Variants in BRCA2 observed in about 807,000 individuals in gnomAD.
BRCA2 encodes breast cancer type 2 susceptibility protein.
Under a neutral mutation model 276.7 loss-of-function variants are expected in BRCA2, and 203 were observed. The observed-to-expected ratio is 0.73, with a 90% CI of 0.65 to 0.82. BRCA2 has a LOEUF of 0.82. Ranked by LOEUF, BRCA2 falls within the 40% of genes least tolerant of loss-of-function variation. The pLI, the probability that BRCA2 is intolerant of heterozygous loss-of-function variation, is 0.00. For synonymous variants in BRCA2, 1,289 were observed against 1,338.4 expected, an observed-to-expected ratio of 0.96 and a Z score of 0.81; for missense variants, 3,920 against 3,915.0, an observed-to-expected ratio of 1.00 and a Z score of -0.03.
Position 32,338,709 on chromosome 13 carries a change from C to G in BRCA2, c.4354C>G (p.Gln1452Glu), listed in dbSNP as rs431825319. Reference sequence around the variant, plus strand: ...TAATAAAATTGTAAATTTCTTTGATCAGAAACCAGAAGAATTGCATAACTT... The same window carrying G: ...TAATAAAATTGTAAATTTCTTTGATGAGAAACCAGAAGAATTGCATAACTT... ...SFNKIVNFFDQKPEELHNFSL... is the reference protein window; with the variant it reads ...SFNKIVNFFDEKPEELHNFSL... The change falls in exon 11 of 27, where the codon CAG becomes GAG. Residue 1452 changes from glutamine (Q) to glutamate (E), a missense_variant. Gln to Glu is a conservative substitution (Grantham distance 29). This residue lies in a region of BRCA2 where 3,263 missense variants were observed against 3,156.9 expected (regional missense o/e 1.03). Coordinates refer to ENST00000380152, the MANE Select transcript of BRCA2 (RefSeq NM_000059.4). The G allele has an allele frequency of 6.3e-7, 1 of 1,594,430 alleles. No homozygotes were observed. The highest frequency in any genetic ancestry group is 8.6e-7 in the Non-Finnish European group (1 of 1,168,204).
rs1566215955 is a variant in BRCA2, at chr13:32,319,243, A to G, written c.234A>G (p.Pro78=). The change falls in exon 3 of 27, where the codon CCA becomes CCG. Residue 78 remains proline (P), a synonymous_variant. Coordinates refer to ENST00000380152, the MANE Select transcript of BRCA2 (RefSeq NM_000059.4). ...KPSYNQLAST[P]IIFKEQGLTL... ...CTTATAATCAGCTGGCTTCAACTCC[A>G]ATAATATTCAAAGAGCAAGGGCTGA... 6.2e-7 allele frequency: 1 copy of G among 1,613,792 alleles called. No individual in the cohort carries two copies. Among genetic ancestry groups the G allele is most frequent in the Non-Finnish European group, 8.5e-7 (1 of 1,179,660 alleles).
rs1593201106 is a variant in BRCA2, at chr13:32,397,143, A to G, written c.9648+99A>G. On this transcript the variant is annotated intron_variant, in intron 26 of 26. Transcript: ENST00000380152. ...AGTAAACATGGTAAAATGTAATTAA[A>G]CTTAATTAGAAAATGTGGTTGTTAT... The G allele has an allele frequency of 6.8e-6, 9 of 1,331,854 alleles. No homozygotes were observed. Among genetic ancestry groups the G allele is most frequent in the African/African-American group, 2.9e-5 (2 of 68,614 alleles). 82.5% of individuals were successfully genotyped at this position (1,331,854 alleles called of 1,614,324 possible). A position where few individuals can be genotyped will look rare whatever the true frequency, so the allele number is the denominator to read the frequency against.
rs958933772 is a variant in BRCA2 at position 32,380,671 on chromosome 13, G to C, written c.9256+526G>C. On this transcript the variant is annotated intron_variant, in intron 24 of 26. Transcript: ENST00000380152. The stretch of plus-strand genomic sequence containing the variant: ...TTCTCCTGCCTCAGCCTCCCGAGTA[G>C]CTGGGACTACATATACCCGCCACCG... Among the ~76,000 whole-genome samples, 3 of 151,444 alleles carry C rather than the reference G, an allele frequency of 2.0e-5. No homozygotes were observed. In the East Asian group the frequency reaches 5.8e-4, roughly 29 times the overall value.
rs1593920730 is a variant in BRCA2, at chr13:32,357,783, C to T, written c.7659C>T (p.Asn2553=). 6.2e-7 allele frequency: 1 copy of T among 1,613,560 alleles called. No individual in the cohort carries two copies. The highest frequency in any genetic ancestry group is 8.5e-7 in the Non-Finnish European group (1 of 1,179,702). The change falls in exon 16 of 27, where the codon AAC becomes AAT. Residue 2553 remains asparagine (N), a synonymous_variant. Transcript: ENST00000380152. ...YGVSKHCIKI[N]SKNAESFQFH... ...TTTCTAAACATTGCATAAAAATTAA[C>T]AGCAAAAATGCAGAGTCTTTTCAGT...
intron 4 of BRCA2, among the ~76,000 whole-genome samples, chr13:32,325,593 T>C (rs2072339201): frequency 6.6e-6 from 1 of 151,328 alleles, no homozygotes; most frequent in African/African-American, 2.4e-5. Flanking sequence ...CAGGCTGTAG[T>C]GCAGTGGTGC....
Position 32,396,884 on chromosome 13 carries a change from A to G in BRCA2, c.9502-14A>G. Reference sequence around the variant, plus strand: ...TTGCAATTTATAAAGCAGCTTTTCCACTTATTTTCTTAGAATATTGACATA... The same window carrying G: ...TTGCAATTTATAAAGCAGCTTTTCCGCTTATTTTCTTAGAATATTGACATA... On this transcript the variant is annotated splice_polypyrimidine_tract_variant and intron_variant, in intron 25 of 26. Coordinates refer to ENST00000380152, the MANE Select transcript of BRCA2 (RefSeq NM_000059.4). The G allele has an allele frequency of 1.2e-6, 2 of 1,613,944 alleles. No homozygotes were observed. Among genetic ancestry groups the G allele is most frequent in the Non-Finnish European group, 1.7e-6 (2 of 1,179,884 alleles).
At position 32,398,609 on chromosome 13, in the gene BRCA2, A is replaced by G; in HGVS notation, c.10096A>G (p.Ser3366Gly). 1 of 1,614,216 alleles carries G rather than the reference A, an allele frequency of 6.2e-7. No individual in the cohort carries two copies. The highest frequency in any genetic ancestry group is 8.5e-7 in the Non-Finnish European group (1 of 1,180,030). The stretch of plus-strand genomic sequence containing the variant: ...AGGAGAAAAACAATTTATATCTGTC[A>G]GTGAATCCACTAGGACTGCTCCCAC... ...STGEKQFISV[S>G]ESTRTAPTSS... The change falls in exon 27 of 27, where the codon AGT becomes GGT. Residue 3366 changes from serine to glycine, a missense_variant. Around this residue, in one of 2 missense-constraint regions of BRCA2, gnomAD observed 657 missense variants for 758.2 expected, o/e 0.87. Coordinates refer to ENST00000380152, the MANE Select transcript of BRCA2 (RefSeq NM_000059.4).
chr13:32,375,562 T>TC, intron 20 of BRCA2, among the ~76,000 whole-genome samples: 1 of 109,760 alleles, frequency 9.1e-6, no homozygotes, highest in Middle Eastern at 4.0e-3. Flanking sequence ...AAGACATGTT[T>TC]CTTTTTTTTT....
rs2137483123 is a variant in BRCA2 at position 32,336,438 on chromosome 13, A to G, written c.2083A>G (p.Lys695Glu). The change falls in exon 11 of 27, where the codon AAG (lysine) becomes GAG (glutamate). Residue 695 changes from lysine (K) to glutamate (E), a missense_variant. Around this residue, in one of 2 missense-constraint regions of BRCA2, gnomAD observed 3,263 missense variants for 3,156.9 expected, o/e 1.03. Transcript: ENST00000380152. ...DLDYKEAKCN[K>E]EKLQLFITPE... ...TGATTATAAAGAAGCAAAATGTAAT[A>G]AGGAAAAACTACAGTTATTTATTAC... is the stretch of plus-strand genomic sequence containing the variant. 1 of 1,613,940 alleles carries G rather than the reference A, an allele frequency of 6.2e-7. No homozygotes were observed. The highest frequency in any genetic ancestry group is 8.5e-7 in the Non-Finnish European group (1 of 1,179,886).
At chr13:32,373,708 A>C (rs965377816) in intron 20 of BRCA2, among the ~76,000 whole-genome samples, 1 of 152,072 alleles carries the variant, frequency 6.6e-6, no homozygotes, top group African/African-American at 2.4e-5. Context: ...AGCTGCTTTC[A>C]TGGGCTGCCA....
In BRCA2 at chr13:32,362,540, C is replaced by A. The variant is rs1555286825; in HGVS notation, c.7823C>A (p.Pro2608Gln). ...TTGTTCAGGGCTCTGTGTGACACTC[C>A]AGGTGTGGATCCAAAGCTTATTTCT... ...EEFYRALCDT[P>Q]GVDPKLISRI... The change falls in exon 17 of 27, where the codon CCA becomes CAA. Residue 2608 changes from proline to glutamine, a missense_variant. This residue lies in a region of BRCA2 where 3,263 missense variants were observed against 3,156.9 expected (regional missense o/e 1.03). Coordinates refer to ENST00000380152, the MANE Select transcript of BRCA2 (RefSeq NM_000059.4). 2.5e-6 allele frequency: 4 copies of A among 1,613,804 alleles called. No homozygotes were observed. Among genetic ancestry groups the A allele is most frequent in the South Asian group, 1.1e-5 (1 of 91,066 alleles).
At chr13:32,364,927 T>C (rs2072770321) in intron 18 of BRCA2, among the ~76,000 whole-genome samples, 1 of 152,026 alleles carries the variant, frequency 6.6e-6, no homozygotes, top group Non-Finnish European at 1.5e-5. Flanking sequence ...CTAGAGTTTT[T>C]CCCCCAATTT....
chr13:32,319,184 C>G lies in BRCA2; in HGVS notation c.175C>G (p.Pro59Ala), dbSNP rs56091799. Residue 59 changes from proline (P) to alanine (A), a missense_variant, in exon 3 of 27, where the codon CCA becomes GCA. Pro to Ala is a conservative substitution (Grantham distance 27, BLOSUM62 -1). This residue lies in a region of BRCA2 where 3,263 missense variants were observed against 3,156.9 expected (regional missense o/e 1.03). Coordinates refer to ENST00000380152, the MANE Select transcript of BRCA2 (RefSeq NM_000059.4). Reference sequence around the variant, plus strand: ...TGAACATAAAAACAACAATTACGAACCAAACCTATTTAAAACTCCACAAAG... The same window carrying G: ...TGAACATAAAAACAACAATTACGAAGCAAACCTATTTAAAACTCCACAAAG... ...ESEHKNNNYE[P>A]NLFKTPQRKP... The G allele has an allele frequency of 1.8e-4, 297 of 1,614,038 alleles. No individual in the cohort carries two copies. In the African/African-American group the frequency reaches 3.5e-3, roughly 19 times the overall value.
At chr13:32,335,344 CAAAA>C (rs780395396) in intron 10 of BRCA2, among the ~76,000 whole-genome samples, 2 of 47,778 alleles carry the variant, frequency 4.2e-5, no homozygotes, top group Non-Finnish European at 4.6e-5. Flanking sequence ...GACTCCATCT[CAAAA>C]AAAAAAAAAA....
rs1057521672 is a variant in BRCA2, at chr13:32,357,939, G to A, written c.7805+10G>A. 1 of 1,611,330 alleles carries A rather than the reference G, an allele frequency of 6.2e-7. No individual in the cohort carries two copies. The highest frequency in any genetic ancestry group is 8.5e-7 in the Non-Finnish European group (1 of 1,177,598). On this transcript the variant is annotated intron_variant, in intron 16 of 26. Transcript: ENST00000380152. ...AAGAAGAATTTTATAGGTACTCTAT[G>A]CAAAAAGATTGTGTGTTAACTTTTA...
At chr13:32,372,106 AT>A (rs1395041086) in intron 20 of BRCA2, among the ~76,000 whole-genome samples, 3 of 152,136 alleles carry the variant, frequency 2.0e-5, no homozygotes, top group Non-Finnish European at 4.4e-5. Context: ...TTCATGAAAG[AT>A]TTCTCTGTAG....
intron 24 of BRCA2, 28 bp from the exon 25 acceptor site, chr13:32,394,661 A>G: frequency 1.2e-6 from 2 of 1,604,970 alleles, no homozygotes; most frequent in Non-Finnish European, 1.7e-6. Flanking sequence ...ATCTATAATA[A>G]CATTCTTTTC....
intron 3 of BRCA2, among the ~76,000 whole-genome samples, chr13:32,323,403 T>G (rs1566217552): frequency 6.6e-6 from 1 of 152,206 alleles, no homozygotes; most frequent in Non-Finnish European, 1.5e-5. Context: ...TCCGCTCGCC[T>G]CGGCCTCCCA....
chr13:32,340,677 C>T lies in BRCA2; in HGVS notation c.6322C>T (p.Arg2108Cys), dbSNP rs55794205. Residue 2108 changes from arginine to cysteine, a missense_variant, in exon 11 of 27, where the codon CGT becomes TGT. Physicochemically the swap from Arg to Cys is radical, Grantham distance 180. This residue lies in a region of BRCA2 where 3,263 missense variants were observed against 3,156.9 expected (regional missense o/e 1.03). Coordinates refer to ENST00000380152, the MANE Select transcript of BRCA2 (RefSeq NM_000059.4). Reference sequence around the variant, plus strand: ...ACAAAATGTATCAAAAATACTTCCTCGTGTTGATAAGAGAAACCCAGAGCA... The same window carrying T: ...ACAAAATGTATCAAAAATACTTCCTTGTGTTGATAAGAGAAACCCAGAGCA... ...SRQNVSKILP[R>C]VDKRNPEHCV... is the part of the protein sequence containing the mutation. 371 of 1,608,914 alleles carry T rather than the reference C, an allele frequency of 2.3e-4. No individual in the cohort carries two copies. In the East Asian group the frequency reaches 3.3e-3, roughly 14 times the overall value.
Sources: gnomAD v4.1 joint callset for allele counts (sites outside exome capture counted in the v4.1 genomes callset) on GRCh38, gnomAD v4.1.1 for gene constraint, gnomAD v4.1.1 regional missense constraint, MANE v1.5 for transcripts, NCBI Gene and HGNC (gene_info 2026-07-23, HGNC 2026-07-21) for gene names.